PTPRD: variants seen among roughly 807,000 people sequenced by gnomAD.
The protein encoded by PTPRD is receptor-type tyrosine-protein phosphatase delta.
Under a neutral mutation model 214.5 loss-of-function variants are expected in PTPRD, and 34 were observed. That is an observed-to-expected ratio of 0.16 (90% confidence interval 0.12 to 0.21). The LOEUF (loss-of-function observed/expected upper bound fraction) is 0.21, where lower values mean the gene tolerates loss of function less well. PTPRD is among the 10% of genes least tolerant of loss of function. PTPRD has a pLI of 1.00. For synonymous variants in PTPRD, 1,128 were observed against 845.7 expected (o/e 1.33, Z -5.79); for missense variants, 2,545 against 2,398.7 (o/e 1.06, Z -1.27).
chr9:8,718,834 T>C (rs2098463338), intron 12 of PTPRD, among the ~76,000 whole-genome samples: 1 of 152,212 alleles, frequency 6.6e-6, no homozygotes, highest in Non-Finnish European at 1.5e-5. Flanking sequence ...CACAAAAGCG[T>C]TTCAGTTTGC....
At chr9:10,455,296 A>G (rs890226702) in intron 2 of PTPRD, among the ~76,000 whole-genome samples, 5 of 151,590 alleles carry the variant, frequency 3.3e-5, no homozygotes, top group Admixed American at 3.3e-4. Flanking sequence ...GCTTTCAGTT[A>G]CTAAGGTATT....
chr9:9,836,549 A>C (rs113356617), intron 5 of PTPRD, among the ~76,000 whole-genome samples: 89 of 152,240 alleles, frequency 5.8e-4, no homozygotes, highest in African/African-American at 2.0e-3. Flanking sequence ...TTATGGGGTG[A>C]CTGAACTTAA....
At chr9:9,111,563 G>C (rs551399138) in intron 10 of PTPRD, among the ~76,000 whole-genome samples, 70 of 152,222 alleles carry the variant, frequency 4.6e-4, no homozygotes, top group African/African-American at 1.6e-3. Flanking sequence ...TTTGGGAATT[G>C]CCAAAAGTAG....
intron 9 of PTPRD, among the ~76,000 whole-genome samples, chr9:9,235,630 C>T (rs1594217967): frequency 6.6e-6 from 1 of 152,104 alleles, no homozygotes; most frequent in Non-Finnish European, 1.5e-5. Context: ...CCTGAGACAC[C>T]TGACTCACTT....
intron 7 of PTPRD, among the ~76,000 whole-genome samples, chr9:9,709,160 T>G (rs1417419335): frequency 6.6e-6 from 1 of 151,980 alleles, no homozygotes. Context: ...CAAAACAAAC[T>G]GAATATTTTT....
At chr9:9,962,494 G>A (rs1254171459) in intron 4 of PTPRD, among the ~76,000 whole-genome samples, 1 of 151,932 alleles carries the variant, frequency 6.6e-6, no homozygotes, top group South Asian at 2.1e-4. Context: ...AACATTTAAA[G>A]CACAATTCAC....
intron 9 of PTPRD, among the ~76,000 whole-genome samples, chr9:9,274,676 G>A (rs933179913): frequency 2.0e-5 from 3 of 151,142 alleles, no homozygotes; most frequent in South Asian, 2.1e-4. Context: ...GTCAGAGGTT[G>A]CTCTTGGTTT....
chr9:8,831,341 CA>C (rs1451175467), intron 11 of PTPRD, among the ~76,000 whole-genome samples: 1 of 152,128 alleles, frequency 6.6e-6, no homozygotes, highest in African/African-American at 2.4e-5. Flanking sequence ...AAATTTAAAA[CA>C]ATCTCGCTTA....
chr9:9,464,671 G>C (rs2093980499), intron 8 of PTPRD, among the ~76,000 whole-genome samples: 1 of 152,080 alleles, frequency 6.6e-6, no homozygotes, highest in Non-Finnish European at 1.5e-5. Flanking sequence ...CCATCTGTTA[G>C]TTGATTTCCA....
chr9:10,333,302 G>C (rs1045959636), intron 3 of PTPRD, among the ~76,000 whole-genome samples: 45 of 151,766 alleles, frequency 3.0e-4, no homozygotes, highest in African/African-American at 1.1e-3. Flanking sequence ...AGGAGCCTTT[G>C]GTCCCTCGCG....
At chr9:9,184,249 G>A (rs551971586) in intron 9 of PTPRD, among the ~76,000 whole-genome samples, 5 of 152,076 alleles carry the variant, frequency 3.3e-5, no homozygotes, top group South Asian at 2.1e-4. Flanking sequence ...ACCCTGTGTC[G>A]GAGAAAATGG....
chr9:10,460,703 T>C (rs1282061198), intron 2 of PTPRD, among the ~76,000 whole-genome samples: 2 of 152,066 alleles, frequency 1.3e-5, no homozygotes, highest in African/African-American at 4.8e-5. Context: ...GACAATGAAA[T>C]GGAATCCTTC....
At chr9:9,533,694 C>A (rs977798325) in intron 8 of PTPRD, among the ~76,000 whole-genome samples, 1 of 151,758 alleles carries the variant, frequency 6.6e-6, no homozygotes, top group Non-Finnish European at 1.5e-5. Context: ...TCTTATAAAT[C>A]CACCTTAATA....
chr9:9,420,720 T>G (rs1332205), intron 8 of PTPRD, among the ~76,000 whole-genome samples: 1 of 151,860 alleles, frequency 6.6e-6, no homozygotes, highest in Non-Finnish European at 1.5e-5. Flanking sequence ...ACGTACAACA[T>G]AACCACCAAA....
chr9:9,564,913 T>TG (rs2084035875), intron 8 of PTPRD, among the ~76,000 whole-genome samples: 1 of 133,724 alleles, frequency 7.5e-6, no homozygotes, highest in Admixed American at 7.7e-5. Context: ...TTTTTTTTTT[T>TG]GCAGTGCACC....
intron 3 of PTPRD, among the ~76,000 whole-genome samples, chr9:10,094,531 C>T (rs200809808): frequency 1.7e-4 from 17 of 101,504 alleles, no homozygotes; most frequent in East Asian, 3.4e-4. Context: ...TTTTTTTTTT[C>T]TTTCTTTCTT....
intron 4 of PTPRD, among the ~76,000 whole-genome samples, chr9:10,019,315 T>C (rs2096794219): frequency 6.6e-6 from 1 of 152,156 alleles, no homozygotes; most frequent in Admixed American, 6.5e-5. Context: ...AGGAACACTT[T>C]TACACTGTTG....
intron 10 of PTPRD, among the ~76,000 whole-genome samples, chr9:9,150,427 TATATTATATATAATATATATGTATGTAAC>T (rs1376235521): frequency 2.0e-5 from 3 of 147,562 alleles, no homozygotes; most frequent in Non-Finnish European, 4.5e-5. Flanking sequence ...AAATACATAA[TATATTATATATAATATATATGTATGTAAC>T]ATATTATATA....
At chr9:9,410,005 G>C (rs1469896251) in intron 8 of PTPRD, among the ~76,000 whole-genome samples, 1 of 152,120 alleles carries the variant, frequency 6.6e-6, no homozygotes, top group Admixed American at 6.5e-5. Context: ...AAGAAAATAT[G>C]AAACACATTT....
Sources: allele counts gnomAD v4.1 joint callset (sites outside exome capture counted in the v4.1 genomes callset), GRCh38; gene constraint gnomAD v4.1.1; transcripts MANE v1.5; gene names NCBI Gene and HGNC (gene_info 2026-07-23, HGNC 2026-07-21).